Variants in FGF13 observed in about 807,000 individuals in gnomAD.
FGF13 encodes the protein fibroblast growth factor 13.
A neutral mutation model predicts 19.5 loss-of-function variants in FGF13; 2 were observed. That is an observed-to-expected ratio of 0.10 (90% CI 0.04 to 0.32). The LOEUF (loss-of-function observed/expected upper bound fraction) is 0.32. Ranked by LOEUF, FGF13 falls within the 10% of genes least tolerant of loss-of-function variation. The probability of loss-of-function intolerance (pLI) is 1.00; values close to 1 mark genes in which losing one functional copy is unlikely to be tolerated. For missense variants in FGF13, 113 were observed against 192.7 expected, an observed-to-expected ratio of 0.59 and a Z score of 2.45; for synonymous variants, 72 against 76.9, an observed-to-expected ratio of 0.94 and a Z score of 0.33.
chrX:138,867,488 G>T (rs921506719), intron 1 of FGF13, among the ~76,000 whole-genome samples: 4 of 110,729 alleles, frequency 3.6e-5, no homozygotes, highest in Admixed American at 9.6e-5. Flanking sequence ...TGGACTCACA[G>T]TTCCACTTGG....
chrX:139,102,784 T>C (rs967198663), intron 1 of FGF13, among the ~76,000 whole-genome samples: 1 of 111,631 alleles, frequency 9.0e-6, no homozygotes, highest in Non-Finnish European at 1.9e-5. Flanking sequence ...GCTTAGGGGA[T>C]GAAAGGGAAG....
chrX:138,750,710 C>T (rs962407819), intron 3 of FGF13, among the ~76,000 whole-genome samples: 2 of 110,881 alleles, frequency 1.8e-5, no homozygotes, highest in South Asian at 7.7e-4. Context: ...AGGGGTAAGG[C>T]AGTGAAGATA....
intron 1 of FGF13, among the ~76,000 whole-genome samples, chrX:138,922,601 C>A (rs1012837201): frequency 2.7e-5 from 3 of 112,029 alleles, no homozygotes; most frequent in Non-Finnish European, 5.6e-5. Context: ...ACTAGAGTTC[C>A]TCAAGAATTC....
At chrX:138,798,699 C>T (rs926581728) in intron 3 of FGF13, among the ~76,000 whole-genome samples, 4 of 111,435 alleles carry the variant, frequency 3.6e-5, no homozygotes, top group African/African-American at 1.3e-4. Context: ...TTAACCTTTG[C>T]TTTTTTTGGT....
chrX:138,813,538 G>A (rs1569402128), intron 3 of FGF13, among the ~76,000 whole-genome samples: 2 of 112,051 alleles, frequency 1.8e-5, no homozygotes, highest in African/African-American at 6.5e-5. Context: ...GGGCAATGAT[G>A]TGCTACTGAT....
At chrX:139,015,116 A>G (rs2092147497) in intron 1 of FGF13, among the ~76,000 whole-genome samples, 2 of 111,236 alleles carry the variant, frequency 1.8e-5, no homozygotes, top group South Asian at 7.6e-4. Flanking sequence ...TATTGTAATG[A>G]ATGGGGAAAA....
intron 1 of FGF13, among the ~76,000 whole-genome samples, chrX:138,909,771 C>A (rs764423320): frequency 4.5e-5 from 5 of 111,587 alleles, no homozygotes; most frequent in Non-Finnish European, 9.4e-5. Context: ...ATAATAAATC[C>A]ATTTCACAGC....
At chrX:138,875,231 CAAAA>C (rs748124343) in intron 1 of FGF13, among the ~76,000 whole-genome samples, 2 of 39,843 alleles carry the variant, frequency 5.0e-5, no homozygotes, top group Non-Finnish European at 4.9e-5. Flanking sequence ...GACTCTGTCT[CAAAA>C]AAAAAAAAAA....
chrX:138,792,157 C>A (rs1175755664), intron 3 of FGF13, among the ~76,000 whole-genome samples: 1 of 112,090 alleles, frequency 8.9e-6, no homozygotes, highest in Non-Finnish European at 1.9e-5. Context: ...TCATGCATGG[C>A]AGAATGTCTA....
rs1267390938 is a variant in FGF13 at position 138,972,325 on chromosome X, AG to A, written c.-112-107676del. On this transcript the variant is annotated intron_variant, in intron 1 of 2. Coordinates refer to the FGF13 transcript ENST00000421460. ...TTTACATTACGACCAATAGTTTATA[AG>A]GATTTCCCTTTCTACACATCTTCAC... is the stretch of plus-strand genomic sequence containing the variant. Among the ~76,000 whole-genome samples the A allele has an allele frequency of 4.8e-5, 5 of 103,273 alleles. No homozygotes were observed. In the Admixed American group the frequency reaches 5.4e-4, roughly 11 times the overall value. 89.7% of individuals were successfully genotyped at this position (103,273 alleles called of 115,157 possible).
At chrX:138,731,786 C>T (rs2090233821) in intron 1 of FGF13, among the ~76,000 whole-genome samples, 1 of 108,705 alleles carries the variant, frequency 9.2e-6, no homozygotes, top group Non-Finnish European at 1.9e-5. Flanking sequence ...GCAAGATAGA[C>T]CAAGAAAAGA....
chrX:138,828,396 G>A (rs1424819202), intron 3 of FGF13, among the ~76,000 whole-genome samples: 4 of 109,403 alleles, frequency 3.7e-5, no homozygotes, highest in African/African-American at 1.3e-4. Context: ...GTGAAACCCC[G>A]TCTCTACTAA....
chrX:138,861,226 A>T (rs1158950719), intron 2 of FGF13, among the ~76,000 whole-genome samples: 1 of 111,819 alleles, frequency 8.9e-6, no homozygotes, highest in Non-Finnish European at 1.9e-5. Context: ...AGAGAGTTTA[A>T]CAGAGTCTAA....
intron 1 of FGF13, among the ~76,000 whole-genome samples, chrX:139,189,122 C>T (rs1271566253): frequency 9.1e-6 from 1 of 109,422 alleles, no homozygotes; most frequent in African/African-American, 3.3e-5. Context: ...CATAATAGAC[C>T]CAAGAGGACC....
intron 1 of FGF13, among the ~76,000 whole-genome samples, chrX:139,048,691 T>A (rs1397053631): frequency 9.1e-6 from 1 of 109,948 alleles, no homozygotes; most frequent in Non-Finnish European, 1.9e-5. Flanking sequence ...TGTTTGTGAA[T>A]GGGATTTTGT....
chrX:139,081,456 T>A (rs1467439638), intron 1 of FGF13, among the ~76,000 whole-genome samples: 4 of 111,967 alleles, frequency 3.6e-5, no homozygotes, highest in Non-Finnish European at 5.6e-5. Flanking sequence ...TACACTTCGT[T>A]ATGATCTCAT....
intron 3 of FGF13, among the ~76,000 whole-genome samples, chrX:138,778,780 A>T (rs770103966): frequency 1.9e-3 from 211 of 112,717 alleles, no homozygotes; most frequent in African/African-American, 6.5e-3. Context: ...AGGTAAACAA[A>T]GCAGCCCGGA....
At chrX:138,972,619 A>G (rs2124320083) in intron 1 of FGF13, among the ~76,000 whole-genome samples, 1 of 110,822 alleles carries the variant, frequency 9.0e-6, no homozygotes, top group East Asian at 2.8e-4. Flanking sequence ...AGCCTCCCAA[A>G]GTGCTGGGAT....
At chrX:138,878,232 T>C (rs757947918) in intron 1 of FGF13, among the ~76,000 whole-genome samples, 2 of 108,641 alleles carry the variant, frequency 1.8e-5, no homozygotes, top group East Asian at 6.0e-4. Flanking sequence ...ACATGTGCCA[T>C]GTTGGTGTGC....
Sources: gnomAD v4.1 joint callset for allele counts (sites outside exome capture counted in the v4.1 genomes callset) on GRCh38, gnomAD v4.1.1 for gene constraint, MANE v1.5 for transcripts, NCBI Gene and HGNC (gene_info 2026-07-23, HGNC 2026-07-21) for gene names.